Variants in ASMTL observed in about 807,000 individuals in gnomAD.
ASMTL encodes probable bifunctional dTTP/UTP pyrophosphatase/methyltransferase protein.
In ASMTL, 57 loss-of-function variants were observed where a neutral mutation model predicts 60.3. That is an observed-to-expected ratio of 0.95 (90% confidence interval 0.76 to 1.18). The LOEUF is 1.18. ASMTL is among the 50% of genes most tolerant of loss of function. The probability of loss-of-function intolerance (pLI) is 0.00; values close to 1 mark genes in which losing one functional copy is unlikely to be tolerated. For missense variants in ASMTL, 981 were observed against 852.6 expected (o/e 1.15, Z -1.88); for synonymous variants, 419 against 373.0 (o/e 1.12, Z -1.42).
chrX:1,403,944 T>C (rs1256302016), intron 12 of ASMTL, among the ~76,000 whole-genome samples: 2 of 151,266 alleles, frequency 1.3e-5, no homozygotes, highest in Non-Finnish European at 2.9e-5. Flanking sequence ...GATGGGTAGG[T>C]AGGTAGATGA....
At chrX:1,434,003 G>A (rs191465913) in intron 5 of ASMTL, among the ~76,000 whole-genome samples, 1 of 152,176 alleles carries the variant, frequency 6.6e-6, no homozygotes, top group Non-Finnish European at 1.5e-5. Context: ...AGGGATATGG[G>A]GCTGGGATTG....
rs780952165 is a variant in ASMTL at position 1,452,870 on chromosome X, A to G, written c.-30T>C. 2.9e-5 allele frequency: 44 copies of G among 1,504,768 alleles called. No individual in the cohort carries two copies. Among genetic ancestry groups the G allele is most frequent in the Non-Finnish European group, 3.5e-5 (39 of 1,125,662 alleles). 93.2% of individuals were successfully genotyped at this position (1,504,768 alleles called of 1,614,324 possible). A position where few individuals can be genotyped will look rare whatever the true frequency, so the allele number is the denominator to read the frequency against. ...TCCACGCCGGGAGCCGGGCGTCCGC[A>G]CTTCTGAGCCCGGAGCCCGCGGTGC... On this transcript the variant is annotated 5_prime_UTR_variant, in exon 1 of 13. Coordinates refer to ENST00000381317, the MANE Select transcript of ASMTL (RefSeq NM_004192.4).
In ASMTL at chrX:1,407,070, A is replaced by T. The variant is rs1290664654; in HGVS notation, c.1646-3581T>A. Among the ~76,000 whole-genome samples the T allele has an allele frequency of 4.6e-4, 69 of 149,660 alleles. 1 individual carries two copies. Among genetic ancestry groups the T allele is most frequent in the African/African-American group, 1.6e-3 (63 of 39,904 alleles). On this transcript the variant is annotated intron_variant, in intron 12 of 12. Coordinates refer to ENST00000381317, the MANE Select transcript of ASMTL (RefSeq NM_004192.4). ...GATGGATGGATGGATGGATGCATGC[A>T]TGGATGAGATGGATGGGTGAACTGA...
intron 1 of ASMTL, among the ~76,000 whole-genome samples, chrX:1,449,413 C>T (rs1483657263): frequency 1.3e-5 from 2 of 151,846 alleles, no homozygotes; most frequent in Non-Finnish European, 2.9e-5. Flanking sequence ...CTGCCCTATG[C>T]CCTGTCACCC....
chrX:1,445,871 C>T (rs149281164), intron 1 of ASMTL, among the ~76,000 whole-genome samples: 433 of 152,204 alleles, frequency 2.8e-3, no homozygotes, highest in African/African-American at 9.2e-3. Flanking sequence ...GACCAGAAGA[C>T]GAGCGCGAGC....
Position 1,432,107 on chromosome X carries a change from C to A in ASMTL, c.509+162G>T, listed in dbSNP as rs186018045. ...TTGAGCCTCCATGGGTCAGTGTGGT[C>A]GTGAAGGGTTTGTGCTTCTGAGCCG... On this transcript the variant is annotated intron_variant, in intron 6 of 12. Coordinates refer to ENST00000381317, the MANE Select transcript of ASMTL (RefSeq NM_004192.4). 981 of 632,044 alleles carry A rather than the reference C, an allele frequency of 1.6e-3. 5 individuals carry two copies. The highest frequency in any genetic ancestry group is 0.015 in the African/African-American group (806 of 54,362). 39.2% of individuals were successfully genotyped at this position (632,044 alleles called of 1,614,324 possible).
At chrX:1,424,536 C>T (rs62605756) in intron 8 of ASMTL, among the ~76,000 whole-genome samples, 99,792 of 149,674 alleles carry the variant, frequency 0.67, 34,223 homozygotes, top group South Asian at 0.86. Flanking sequence ...ACCCATCCAT[C>T]CACACATCCA....
intron 4 of ASMTL, 175 bp from the exon 5 acceptor site, chrX:1,435,258 C>A: frequency 2.8e-6 from 2 of 709,046 alleles, no homozygotes; most frequent in Non-Finnish European, 4.9e-6. Flanking sequence ...ACGGAGAGGC[C>A]GAGGGAAGGG....
At chrX:1,441,624 A>G (rs1188682491) in intron 2 of ASMTL, 1 of 152,636 alleles carries the variant, frequency 6.6e-6, no homozygotes, top group African/African-American at 2.4e-5. Context: ...TTAATTCTAT[A>G]TCATAAATGA....
intron 1 of ASMTL, among the ~76,000 whole-genome samples, chrX:1,450,584 C>T (rs28401461): frequency 0.018 from 1,476 of 83,186 alleles, 147 homozygotes; most frequent in African/African-American, 0.082. Context: ...TCCCTAGGGG[C>T]TCTGGGTCAC....
chrX:1,452,854 GGAGCCGGGCGTCCGCACTTCT>G lies in ASMTL; in HGVS notation c.-35_-15del. ...GCACAGCACCATGGCGTCCACGCCG[GGAGCCGGGCGTCCGCACTTCT>G]GAGCCCGGAGCCCGCGGTGCGCGCA... On this transcript the variant is annotated 5_prime_UTR_variant, in exon 1 of 13. Coordinates refer to ENST00000381317, the MANE Select transcript of ASMTL (RefSeq NM_004192.4). The G allele has an allele frequency of 1.3e-6, 2 of 1,550,218 alleles. No homozygotes were observed. Among genetic ancestry groups the G allele is most frequent in the Non-Finnish European group, 1.7e-6 (2 of 1,156,610 alleles).
Position 1,427,242 on chromosome X carries a change from AC to A in ASMTL, c.897+491del, listed in dbSNP as rs760051590. 3.7e-3 allele frequency among the ~76,000 whole-genome samples: 561 copies of A among 150,114 alleles called. 7 individuals are homozygous for A. The highest frequency in any genetic ancestry group is 0.013 in the African/African-American group (522 of 40,768). ...CCAGGAGCTGGGAGAGGCAGGAAGGACCCTCCCCTGGGGCCTCCAGAAGGAA... is the reference window on the plus strand; with the variant it reads ...CCAGGAGCTGGGAGAGGCAGGAAGGACCTCCCCTGGGGCCTCCAGAAGGAA... On this transcript the variant is annotated intron_variant, in intron 7 of 12. Coordinates refer to ENST00000381317, the MANE Select transcript of ASMTL (RefSeq NM_004192.4).
At chrX:1,424,191 CCCAT>C (rs1385733467) in intron 8 of ASMTL, among the ~76,000 whole-genome samples, 1 of 123,828 alleles carries the variant, frequency 8.1e-6, no homozygotes, top group East Asian at 2.7e-4. Context: ...CACCCACCCA[CCCAT>C]CTGTTCACCC....
At position 1,417,978 on chromosome X, in the gene ASMTL, G is replaced by A; in HGVS notation, c.1517C>T (p.Ala506Val). 1 of 1,608,860 alleles carries A rather than the reference G, an allele frequency of 6.2e-7. No individual in the cohort carries two copies. Among genetic ancestry groups the A allele is most frequent in the Non-Finnish European group, 8.5e-7 (1 of 1,176,690 alleles). Reference sequence around the variant, plus strand: ...TGAACAGGAGGAGGGCTCACCTGCTGCGAAGTGGATCTGCACTGCCTGCGG... The same window carrying A: ...TGAACAGGAGGAGGGCTCACCTGCTACGAAGTGGATCTGCACTGCCTGCGG... Reference protein sequence around the residue: ...PGPQAVQIHFAAGDFFRDPLP... With the variant: ...PGPQAVQIHFVAGDFFRDPLP... The change falls in exon 11 of 13, where the codon GCA (alanine) becomes GTA (valine). Residue 506 changes from alanine to valine, a missense_variant. Coordinates refer to ENST00000381317, the MANE Select transcript of ASMTL (RefSeq NM_004192.4).
chrX:1,443,046 A>ACCG (rs2091140705), intron 1 of ASMTL, among the ~76,000 whole-genome samples: 1 of 117,296 alleles, frequency 8.5e-6, no homozygotes, highest in East Asian at 2.7e-4. Flanking sequence ...TTGGACGCAT[A>ACCG]CCACCATCGT....
rs371234749 is a variant in ASMTL, at chrX:1,421,688, C to T, written c.1215G>A (p.Ala405=). Residue 405 remains alanine, a synonymous_variant, in exon 9 of 13, where the codon GCG becomes GCA. Coordinates refer to ENST00000381317, the MANE Select transcript of ASMTL (RefSeq NM_004192.4). The part of the protein sequence containing the change: ...IREGTNQHHR[A]LGKKAEDLFQ... ...ACAGATCTTCCGCCTTCTTCCCCAACGCCCTGTGGTGCTGGTTTGTTCCCT... is the reference window on the plus strand; with the variant it reads ...ACAGATCTTCCGCCTTCTTCCCCAATGCCCTGTGGTGCTGGTTTGTTCCCT... 1.5e-4 allele frequency: 249 copies of T among 1,613,786 alleles called. No homozygotes were observed. Among genetic ancestry groups the T allele is most frequent in the East Asian group, 2.5e-4 (11 of 44,894 alleles).
chrX:1,405,800 A>G (rs184690613), intron 12 of ASMTL, among the ~76,000 whole-genome samples: 1 of 150,852 alleles, frequency 6.6e-6, no homozygotes, highest in African/African-American at 2.4e-5. Flanking sequence ...GGATGCATGG[A>G]TGAGATGGAT....
At chrX:1,429,341 C>T (rs183627367) in intron 6 of ASMTL, among the ~76,000 whole-genome samples, 67 of 151,896 alleles carry the variant, frequency 4.4e-4, no homozygotes, top group African/African-American at 1.5e-3. Flanking sequence ...CAGCCTCCCA[C>T]GTAGCAGGGA....
intron 12 of ASMTL, among the ~76,000 whole-genome samples, chrX:1,406,840 AATGGATGGATAGATGGGTGCATGGAACAG>A (rs1295438127): frequency 2.8e-5 from 4 of 141,732 alleles, no homozygotes; most frequent in Non-Finnish European, 6.2e-5. Flanking sequence ...TAGGTAGATG[AATGGATGGATAGATGGGTGCATGGAACAG>A]ATGGATGGAT....
Sources: gnomAD v4.1 joint callset for allele counts (sites outside exome capture counted in the v4.1 genomes callset) on GRCh38, gnomAD v4.1.1 for gene constraint, MANE v1.5 for transcripts, NCBI Gene and HGNC (gene_info 2026-07-23, HGNC 2026-07-21) for gene names.